The following MKLN1 variants were observed in gnomAD, a reference collection of about 807,000 sequenced individuals.
The protein encoded by MKLN1 is muskelin 1, also known as muskelin.
MKLN1 carries 18 observed loss-of-function variants against 99.0 expected under a neutral mutation model. The observed-to-expected ratio is 0.18, with a 90% CI of 0.13 to 0.27. The LOEUF (loss-of-function observed/expected upper bound fraction) is 0.27, where lower values mean the gene tolerates loss of function less well. Among genes scored for constraint, MKLN1 ranks in the 10% least tolerant of loss-of-function variants. The pLI, the probability that MKLN1 is intolerant of heterozygous loss-of-function variation, is 1.00. For missense variants in MKLN1, 621 were observed against 875.9 expected (o/e 0.71, Z 3.67); for synonymous variants, 288 against 293.2 (o/e 0.98, Z 0.18).
chr7:131,392,112 G>C (rs2116896078), intron 4 of MKLN1, among the ~76,000 whole-genome samples: 1 of 152,248 alleles, frequency 6.6e-6, no homozygotes, highest in South Asian at 2.1e-4. Flanking sequence ...TGAGGGTATT[G>C]GTTACAGATG....
intron 2 of MKLN1, among the ~76,000 whole-genome samples, chr7:131,151,135 A>G (rs549894743): frequency 6.6e-6 from 1 of 152,202 alleles, no homozygotes; most frequent in Non-Finnish European, 1.5e-5. Flanking sequence ...TATTTCAGTG[A>G]TACAAAAAGA....
chr7:131,303,947 T>G (rs762538685), intron 3 of MKLN1, among the ~76,000 whole-genome samples: 1 of 152,212 alleles, frequency 6.6e-6, no homozygotes, highest in Non-Finnish European at 1.5e-5. Context: ...TTTATTTATT[T>G]AAACATAATA....
At chr7:131,155,060 T>C (rs1795943854) in intron 2 of MKLN1, among the ~76,000 whole-genome samples, 1 of 152,198 alleles carries the variant, frequency 6.6e-6, no homozygotes, top group Admixed American at 6.5e-5. Flanking sequence ...TTTCCCTTTT[T>C]GATGTTCTTA....
At chr7:131,142,889 A>G in exon 2 of MKLN1, 2 of 1,303,546 alleles carry the variant, frequency 1.5e-6, no homozygotes, top group Non-Finnish European at 2.0e-6. Context: ...GACTCCATAA[A>G]CTATTGGATT....
upstream of MKLN1, among the ~76,000 whole-genome samples, chr7:131,324,848 C>A (rs1402925367): frequency 1.3e-5 from 2 of 152,126 alleles, no homozygotes; most frequent in African/African-American, 4.8e-5. Context: ...AGATAAAGTT[C>A]TTTTCTTAAC....
At chr7:131,297,322 C>T (rs1235968172) in intron 3 of MKLN1, among the ~76,000 whole-genome samples, 1 of 152,070 alleles carries the variant, frequency 6.6e-6, no homozygotes, top group African/African-American at 2.4e-5. Context: ...GATAGCGCCA[C>T]TGCACTCCAG....
In MKLN1 at chr7:131,469,788, T is replaced by G. The variant is rs111607176; in HGVS notation, c.1929-1054T>G. Among the ~76,000 whole-genome samples, 474 of 152,330 alleles carry G rather than the reference T, an allele frequency of 3.1e-3. 1 individual carries two copies. Among genetic ancestry groups the G allele is most frequent in the African/African-American group, 0.011 (452 of 41,568 alleles). ...ATTATGGTATAACAGAGACGTTATC[T>G]TTTTCAAATAGATATATAGATATAG... On this transcript the variant is annotated intron_variant, in intron 15 of 17. Transcript: ENST00000352689.
chr7:131,363,705 T>C (rs1202049803), intron 1 of MKLN1, among the ~76,000 whole-genome samples: 1 of 151,934 alleles, frequency 6.6e-6, no homozygotes, highest in Non-Finnish European at 1.5e-5. Context: ...CTGATTAGCA[T>C]AATTAAAATA....
At chr7:131,164,659 T>A (rs1387334450) in intron 2 of MKLN1, among the ~76,000 whole-genome samples, 1 of 152,234 alleles carries the variant, frequency 6.6e-6, no homozygotes, top group African/African-American at 2.4e-5. Flanking sequence ...GGAAAATACA[T>A]TCCAGCATTT....
At chr7:131,317,915 C>A (rs576235824) in intron 3 of MKLN1, among the ~76,000 whole-genome samples, 1 of 152,154 alleles carries the variant, frequency 6.6e-6, no homozygotes, top group East Asian at 1.9e-4. Flanking sequence ...GCTAACTATC[C>A]TAAATATATA....
chr7:131,287,358 C>T (rs1440691893), intron 3 of MKLN1, among the ~76,000 whole-genome samples: 2 of 152,244 alleles, frequency 1.3e-5, no homozygotes, highest in African/African-American at 4.8e-5. Flanking sequence ...GTTGGCAAGG[C>T]CACACTCCTG....
At chr7:131,244,028 C>A (rs1438040551) in intron 3 of MKLN1, among the ~76,000 whole-genome samples, 2 of 151,854 alleles carry the variant, frequency 1.3e-5, no homozygotes, top group Non-Finnish European at 2.9e-5. Flanking sequence ...AACAAACAAA[C>A]AAAAAATATG....
intron 3 of MKLN1, among the ~76,000 whole-genome samples, chr7:131,230,797 G>A (rs571442143): frequency 3.3e-5 from 5 of 152,086 alleles, no homozygotes; most frequent in South Asian, 4.2e-4. Context: ...CTCATCTTGC[G>A]ACTGACCGGG....
At chr7:131,157,451 C>T (rs1795986155) in intron 2 of MKLN1, among the ~76,000 whole-genome samples, 1 of 152,062 alleles carries the variant, frequency 6.6e-6, no homozygotes, top group Non-Finnish European at 1.5e-5. Flanking sequence ...CTGCCTTCAC[C>T]TGCCACTTGC....
chr7:131,459,968 A>G (rs548068253), intron 12 of MKLN1, among the ~76,000 whole-genome samples: 4 of 151,568 alleles, frequency 2.6e-5, no homozygotes, highest in East Asian at 1.9e-4. Flanking sequence ...TTTGCTGTTT[A>G]TTCTGGTGAT....
At chr7:131,354,770 GGAT>G (rs529974952) in intron 1 of MKLN1, among the ~76,000 whole-genome samples, 49 of 152,134 alleles carry the variant, frequency 3.2e-4, no homozygotes, top group African/African-American at 9.6e-4. Context: ...TTAACCTGGT[GGAT>G]GATGTGAGGC....
At chr7:131,130,601 T>C (rs1795534842) in intron 1 of MKLN1, among the ~76,000 whole-genome samples, 1 of 152,210 alleles carries the variant, frequency 6.6e-6, no homozygotes, top group Admixed American at 6.5e-5. Context: ...ATGACAGACA[T>C]ATTTGTCATA....
intron 12 of MKLN1, among the ~76,000 whole-genome samples, chr7:131,454,937 T>C (rs544156791): frequency 2.1e-4 from 32 of 152,358 alleles, no homozygotes; most frequent in African/African-American, 7.5e-4. Context: ...TTGGTTGAAC[T>C]CTGAAACAAT....
chr7:131,381,776 CTCTCA>C (rs1474949539), intron 2 of MKLN1, among the ~76,000 whole-genome samples: 1 of 151,288 alleles, frequency 6.6e-6, no homozygotes, highest in Non-Finnish European at 1.5e-5. Flanking sequence ...TTTTTTTGTC[CTCTCA>C]TCTCCTTCTC....
Sources: allele counts gnomAD v4.1 joint callset (sites outside exome capture counted in the v4.1 genomes callset), GRCh38; gene constraint gnomAD v4.1.1; transcripts MANE v1.5; gene names NCBI Gene and HGNC (gene_info 2026-07-23, HGNC 2026-07-21).